Variants in U2AF2 observed in about 807,000 individuals in gnomAD.
U2AF2 encodes the protein U2 small nuclear RNA auxiliary factor 2.
U2AF2 carries 6 observed loss-of-function variants against 52.6 expected under a neutral mutation model. The observed-to-expected ratio is 0.11, with a 90% CI of 0.06 to 0.23. The LOEUF (loss-of-function observed/expected upper bound fraction) is 0.23, where lower values mean the gene tolerates loss of function less well. Ranked by LOEUF, U2AF2 falls within the 10% of genes least tolerant of loss-of-function variation. U2AF2 has a pLI of 1.00. For missense variants in U2AF2, 222 were observed against 677.1 expected (o/e 0.33, Z 7.46); for synonymous variants, 284 against 258.2 (o/e 1.10, Z -0.96).
intron 1 of U2AF2, among the ~76,000 whole-genome samples, 160 bp downstream of exon 1, chr19:55,655,313 C>A (rs1983708488): frequency 6.6e-6 from 1 of 152,088 alleles, no homozygotes; most frequent in Non-Finnish European, 1.5e-5. Flanking sequence ...ACGTCCCCAG[C>A]GTTCCGCCGC....
chr19:55,666,630 CG>C (rs1984567438), intron 7 of U2AF2, among the ~76,000 whole-genome samples: 1 of 152,238 alleles, frequency 6.6e-6, no homozygotes, highest in South Asian at 2.1e-4. Flanking sequence ...GTGGCTCACA[CG>C]ATGGGCACCA....
rs371530882 is a variant in U2AF2 at position 55,660,369 on chromosome 19, C to T, written c.231-147C>T. 5.2e-5 allele frequency: 57 copies of T among 1,104,640 alleles called. No individual in the cohort carries two copies. In the South Asian group the frequency reaches 7.7e-4, roughly 15 times the overall value. The allele number at this position is 1,104,640 out of a possible 1,614,324, so 68.4% of individuals were successfully genotyped here. On this transcript the variant is annotated intron_variant, in intron 3 of 11. Transcript: ENST00000308924. ...TGAAACCAGCACCCCTTTCCCAGGC[C>T]CTGCCCCAGACCCTCTCCTTCCCTG...
intron 7 of U2AF2, 100 bp downstream of exon 7, chr19:55,663,844 A>G (rs374131248): frequency 6.5e-7 from 1 of 1,534,766 alleles, no homozygotes. Flanking sequence ...GAAGTTGTGT[A>G]AGTACTGTGG....
intron 2 of U2AF2, among the ~76,000 whole-genome samples, chr19:55,659,799 G>A (rs1984044585): frequency 1.3e-5 from 2 of 152,110 alleles, no homozygotes. Flanking sequence ...AGTATCCACA[G>A]CCTGGGCTGA....
intron 10 of U2AF2, 115 bp downstream of exon 10, chr19:55,669,296 T>G (rs1984732726): frequency 2.6e-6 from 4 of 1,553,584 alleles, no homozygotes; most frequent in Non-Finnish European, 2.6e-6. Flanking sequence ...TGGGGGGCAT[T>G]CAGTGCAGTG....
Position 55,661,028 on chromosome 19 carries a change from C to A in U2AF2, c.335-10C>A, listed in dbSNP as rs562997707. On this transcript the variant is annotated splice_polypyrimidine_tract_variant and intron_variant, in intron 4 of 11. Coordinates refer to ENST00000308924, the MANE Select transcript of U2AF2 (RefSeq NM_007279.3). Reference sequence around the variant, plus strand: ...GATGGGGTTTTATCCGGCTTTTATTCCCTTTGAAGCTGCGGGTCAGATTCC... The same window carrying A: ...GATGGGGTTTTATCCGGCTTTTATTACCTTTGAAGCTGCGGGTCAGATTCC... 22 of 1,570,428 alleles carry A rather than the reference C, an allele frequency of 1.4e-5. No individual in the cohort carries two copies. Among genetic ancestry groups the A allele is most frequent in the East Asian group, 2.3e-5 (1 of 43,028 alleles).
chr19:55,663,506 C>A, intron 6 of U2AF2, 100 bp from the exon 7 acceptor site: 1 of 1,514,774 alleles, frequency 6.6e-7, no homozygotes, highest in Non-Finnish European at 8.9e-7. Context: ...TGTATTTGTT[C>A]ACATGAGTGA....
intron 7 of U2AF2, among the ~76,000 whole-genome samples, chr19:55,667,179 C>G (rs1984599354): frequency 6.6e-6 from 1 of 152,048 alleles, no homozygotes; most frequent in Non-Finnish European, 1.5e-5. Flanking sequence ...GCTGGAAGGG[C>G]TTGAGTGAGT....
chr19:55,660,893 G>C (rs1038757198), intron 4 of U2AF2, 145 bp from the exon 5 acceptor site: 5 of 1,358,668 alleles, frequency 3.7e-6, no homozygotes, highest in Non-Finnish European at 4.9e-6. Flanking sequence ...GGGGCCCCGA[G>C]GGTGGAAAGA....
chr19:55,658,653 C>T (rs1202826260), intron 1 of U2AF2, among the ~76,000 whole-genome samples: 3 of 152,108 alleles, frequency 2.0e-5, no homozygotes, highest in Non-Finnish European at 2.9e-5. Flanking sequence ...CTTCTCTTCC[C>T]CTGGGAAGGG....
intron 5 of U2AF2, among the ~76,000 whole-genome samples, chr19:55,661,499 G>GACACAC (rs59262812): frequency 1.5e-3 from 223 of 145,194 alleles, no homozygotes; most frequent in African/African-American, 4.3e-3. Flanking sequence ...GGGAGACTTG[G>GACACAC]ACACACACAC....
At chr19:55,670,457 C>A (rs887355367) in intron 11 of U2AF2, among the ~76,000 whole-genome samples, 39 of 148,926 alleles carry the variant, frequency 2.6e-4, no homozygotes, top group Non-Finnish European at 2.8e-4. Context: ...GTCCCGTGCA[C>A]CCTGCTGTCC....
rs927157466 is a variant in U2AF2 at position 55,674,507 on chromosome 19, C to T, written c.*439C>T. On this transcript the variant is annotated 3_prime_UTR_variant, in exon 12 of 12. Transcript: ENST00000308924. Reference sequence around the variant, plus strand: ...GTTGTCCGGCCCTCAGTGCCCTGCCCTCTCCCTTACCAGGACCACAGCTCT... The same window carrying T: ...GTTGTCCGGCCCTCAGTGCCCTGCCTTCTCCCTTACCAGGACCACAGCTCT... 3.1e-5 allele frequency: 5 copies of T among 163,678 alleles called. No homozygotes were observed. The highest frequency in any genetic ancestry group is 1.3e-4 in the South Asian group (1 of 7,960). The allele number at this position is 163,678 out of a possible 1,614,324, so 10.1% of individuals were successfully genotyped here.
intron 1 of U2AF2, chr19:55,658,991 A>C (rs907890325): frequency 1.1e-4 from 64 of 572,908 alleles, no homozygotes; most frequent in Non-Finnish European, 1.6e-4. Flanking sequence ...GGTATCTTAC[A>C]CCCCGGGGGC....
intron 1 of U2AF2, 83 bp from the exon 2 acceptor site, chr19:55,659,127 G>T: frequency 7.1e-7 from 1 of 1,415,246 alleles, no homozygotes. Flanking sequence ...TGGGGCTTGG[G>T]ACATAGCCAC....
chr19:55,663,913 T>TG, intron 7 of U2AF2, 169 bp downstream of exon 7: 1 of 1,005,486 alleles, frequency 9.9e-7, no homozygotes, highest in Non-Finnish European at 1.4e-6. Flanking sequence ...GCTCTCCTGC[T>TG]GGTAGAGAAG....
intron 5 of U2AF2, 138 bp downstream of exon 5, chr19:55,661,327 G>C: frequency 1.0e-6 from 1 of 1,002,330 alleles, no homozygotes; most frequent in Non-Finnish European, 1.3e-6. Flanking sequence ...CAGACGGACC[G>C]ATGGAGTTGA....
chr19:55,657,636 C>T (rs1047105230), intron 1 of U2AF2, among the ~76,000 whole-genome samples: 1 of 152,134 alleles, frequency 6.6e-6, no homozygotes, highest in Non-Finnish European at 1.5e-5. Context: ...CACTGCTGGC[C>T]TGTCCTGCCG....
In U2AF2 at chr19:55,659,269, C is replaced by T. The variant is rs1983997990; in HGVS notation, c.109C>T (p.Arg37Cys). 2 of 1,603,420 alleles carry T rather than the reference C, an allele frequency of 1.2e-6. No individual in the cohort carries two copies. Among genetic ancestry groups the T allele is most frequent in the Non-Finnish European group, 8.5e-7 (1 of 1,174,400 alleles). ...RSHSRSRSRD[R>C]KRRSRSRDRR... is the part of the protein sequence containing the mutation. Reference sequence around the variant, plus strand: ...CCACAGCCGCTCTCGGAGCCGGGACCGCAAACGCCGGAGCCGGAGCCGCGA... The same window carrying T: ...CCACAGCCGCTCTCGGAGCCGGGACTGCAAACGCCGGAGCCGGAGCCGCGA... Residue 37 changes from arginine to cysteine, a missense_variant, in exon 2 of 12, where the codon CGC becomes TGC. Physicochemically the swap from Arg to Cys is radical, Grantham distance 180. Transcript: ENST00000308924.
Sources: allele counts gnomAD v4.1 joint callset (sites outside exome capture counted in the v4.1 genomes callset), GRCh38; gene constraint gnomAD v4.1.1; transcripts MANE v1.5; gene names NCBI Gene and HGNC (gene_info 2026-07-23, HGNC 2026-07-21).